Variants in MFSD11 observed in about 807,000 individuals in gnomAD.
The protein encoded by MFSD11 is major facilitator superfamily domain containing 11, also known as UNC93-like protein MFSD11.
In MFSD11, 36 loss-of-function variants were observed where a neutral mutation model predicts 53.5. That is an observed-to-expected ratio of 0.67 (90% CI 0.52 to 0.89). MFSD11 has a LOEUF of 0.89. Among genes scored for constraint, MFSD11 ranks in the 40% least tolerant of loss-of-function variants. MFSD11 has a pLI of 0.00. For missense variants in MFSD11, 530 were observed against 543.9 expected, an observed-to-expected ratio of 0.97 and a Z score of 0.25; for synonymous variants, 186 against 184.9, an observed-to-expected ratio of 1.01 and a Z score of -0.05.
intron 7 of MFSD11, among the ~76,000 whole-genome samples, chr17:76,752,423 G>T (rs1484813124): frequency 1.3e-5 from 2 of 149,456 alleles, no homozygotes; most frequent in African/African-American, 4.9e-5. Flanking sequence ...TTGAGATGGA[G>T]TCTTGCTCTG....
At chr17:76,783,456 G>A (rs961739259), downstream of MFSD11, among the ~76,000 whole-genome samples, 4 of 151,992 alleles carry the variant, frequency 2.6e-5, no homozygotes, top group African/African-American at 4.8e-5. Context: ...CAACTTGAAC[G>A]CCTTTAAACC....
At chr17:76,794,833 C>T in the MFSD11 span, among the ~76,000 whole-genome samples, 3 of 151,136 alleles carry the variant, frequency 2.0e-5, no homozygotes, top group South Asian at 6.3e-4. Context: ...GCTGGGATTA[C>T]AGGTGCCCGT....
the MFSD11 span, among the ~76,000 whole-genome samples, chr17:76,793,392 A>G: frequency 8.4e-4 from 128 of 151,612 alleles, 5 homozygotes; most frequent in African/African-American, 3.0e-3. Flanking sequence ...GCTTTTGAAA[A>G]AAGAGAAATA....
intron 10 of MFSD11, among the ~76,000 whole-genome samples, chr17:76,771,964 T>A (rs778617556): frequency 1.4e-4 from 22 of 152,124 alleles, no homozygotes; most frequent in Middle Eastern, 3.4e-3. Flanking sequence ...TTGGGAGTTA[T>A]GGGTATGTAA....
chr17:76,753,587 G>A (rs115785622), intron 7 of MFSD11, among the ~76,000 whole-genome samples: 6,337 of 151,678 alleles, frequency 0.042, 406 homozygotes, highest in African/African-American at 0.14. Context: ...GTGGGAGGAT[G>A]GCTGGTGGGA....
intron 7 of MFSD11, among the ~76,000 whole-genome samples, chr17:76,747,716 A>AC (rs1259210775): frequency 1.3e-5 from 2 of 151,574 alleles, no homozygotes; most frequent in South Asian, 2.1e-4. Context: ...ATGAAAACTG[A>AC]CCCCCCCATT....
chr17:76,783,662 G>A (rs996918499), downstream of MFSD11, among the ~76,000 whole-genome samples: 1 of 152,078 alleles, frequency 6.6e-6, no homozygotes, highest in Non-Finnish European at 1.5e-5. Context: ...AGGTACAAGC[G>A]GTTCTCCTGC....
At chr17:76,737,518 G>A (rs1029784492), upstream of MFSD11, 11 of 300,546 alleles carry the variant, frequency 3.7e-5, no homozygotes, top group South Asian at 1.0e-4. Flanking sequence ...GCGGAGTCAC[G>A]GCTGGAGGGA....
intron 8 of MFSD11, among the ~76,000 whole-genome samples, chr17:76,764,339 A>G (rs1235939577): frequency 1.3e-5 from 2 of 152,220 alleles, no homozygotes; most frequent in African/African-American, 4.8e-5. Context: ...CAAGTTGTAC[A>G]TTAGATCCTC....
chr17:76,774,943 G>A (rs1568114881), intron 10 of MFSD11, 54 bp from the exon 11 acceptor site: 3 of 1,567,146 alleles, frequency 1.9e-6, no homozygotes, highest in Non-Finnish European at 1.7e-6. Context: ...ACTCAGGCCT[G>A]GGTATGTGAT....
intron 8 of MFSD11, among the ~76,000 whole-genome samples, chr17:76,757,816 C>G (rs2079802160): frequency 6.6e-6 from 1 of 152,040 alleles, no homozygotes; most frequent in South Asian, 2.1e-4. Context: ...CAAGACCAAC[C>G]TGGCCAGGAT....
the MFSD11 span, among the ~76,000 whole-genome samples, chr17:76,803,002 A>G: frequency 6.6e-6 from 1 of 151,198 alleles, no homozygotes; most frequent in South Asian, 2.1e-4. Context: ...CTAAAAATAC[A>G]AAAAATTAGC....
intron 11 of MFSD11, among the ~76,000 whole-genome samples, chr17:76,775,404 C>G (rs559059283): frequency 3.9e-5 from 6 of 152,222 alleles, no homozygotes; most frequent in Non-Finnish European, 8.8e-5. Context: ...TTTTCTTGAT[C>G]CTTGAAGGAG....
intron 8 of MFSD11, chr17:76,766,965 T>A (rs1441645965): frequency 6.3e-6 from 1 of 157,806 alleles, no homozygotes; most frequent in African/African-American, 2.4e-5. Context: ...GCCAAAAAGC[T>A]GCCCTGTGAT....
downstream of MFSD11, among the ~76,000 whole-genome samples, chr17:76,779,738 G>A (rs1422897563): frequency 6.6e-6 from 1 of 152,164 alleles, no homozygotes; most frequent in Non-Finnish European, 1.5e-5. Context: ...ACCTGCCTCG[G>A]CCTCCCAAAG....
Position 76,769,890 on chromosome 17 carries a change from C to G in MFSD11, c.874+19C>G. On this transcript the variant is annotated intron_variant, in intron 10 of 12. Coordinates refer to ENST00000685175, the MANE Select transcript of MFSD11 (RefSeq NM_001242532.5). ...ATTTTAGGTTGGTTTTAAAAAAAAG[C>G]GTTTGCATTAAAAATATCAGTTTAT... 1.2e-6 allele frequency: 2 copies of G among 1,600,326 alleles called. No homozygotes were observed. The highest frequency in any genetic ancestry group is 1.7e-6 in the Non-Finnish European group (2 of 1,175,820).
intron 9 of MFSD11, chr17:76,769,536 G>A (rs1455734833): frequency 5.1e-6 from 2 of 394,198 alleles, no homozygotes; most frequent in Non-Finnish European, 9.0e-6. Context: ...GTGAATCTGG[G>A]GAGGACACAA....
chr17:76,738,221 A>G lies in MFSD11; in HGVS notation c.-132A>G. On this transcript the variant is annotated 5_prime_UTR_variant, in exon 1 of 13. Transcript: ENST00000685175. The stretch of plus-strand genomic sequence containing the variant: ...TCCGATCCAGGAACTGGAAGTTGAC[A>G]GCTTGGCTGCCTGGCTCCTGCATCT... The G allele has an allele frequency of 1.6e-6, 1 of 643,220 alleles. No homozygotes were observed. The highest frequency in any genetic ancestry group is 2.8e-6 in the Non-Finnish European group (1 of 363,574). The allele number at this position is 643,220 out of a possible 1,614,324, so 39.8% of individuals were successfully genotyped here.
intron 5 of MFSD11, among the ~76,000 whole-genome samples, chr17:76,743,116 A>G (rs2078247632): frequency 6.6e-6 from 1 of 152,216 alleles, no homozygotes; most frequent in South Asian, 2.1e-4. Flanking sequence ...CCAGAGTTGC[A>G]ATAAATCACA....
Sources: allele counts gnomAD v4.1 joint callset (sites outside exome capture counted in the v4.1 genomes callset), GRCh38; gene constraint gnomAD v4.1.1; transcripts MANE v1.5; gene names NCBI Gene and HGNC (gene_info 2026-07-23, HGNC 2026-07-21).